Variants in NFIA observed in about 807,000 individuals in gnomAD.
The protein encoded by NFIA is nuclear factor 1 A-type.
A neutral mutation model predicts 62.8 loss-of-function variants in NFIA; 8 were observed. The observed-to-expected ratio is 0.13, with a 90% CI of 0.07 to 0.23. NFIA has a LOEUF of 0.23. NFIA is among the 10% of genes least tolerant of loss of function. NFIA has a pLI of 1.00. For synonymous variants in NFIA, 235 were observed against 238.1 expected (o/e 0.99, Z 0.12); for missense variants, 410 against 642.1 (o/e 0.64, Z 3.91).
intron 2 of NFIA, among the ~76,000 whole-genome samples, chr1:61,176,226 C>T (rs1042979172): frequency 1.2e-4 from 18 of 152,330 alleles, no homozygotes; most frequent in African/African-American, 4.1e-4. Context: ...TGGTGAAAGT[C>T]TCCTAGCAGG....
At chr1:61,207,785 G>A (rs754392129) in intron 2 of NFIA, among the ~76,000 whole-genome samples, 51 of 152,122 alleles carry the variant, frequency 3.4e-4, no homozygotes, top group South Asian at 6.2e-4. Context: ...GTTAGGCGTA[G>A]GCCCTTTATT....
intron 2 of NFIA, among the ~76,000 whole-genome samples, chr1:61,243,087 C>G (rs952652107): frequency 1.1e-4 from 17 of 151,986 alleles, no homozygotes. Context: ...TATTTCTAGT[C>G]TTTTCTCACC....
chr1:61,221,058 C>A (rs1653985901), intron 2 of NFIA, among the ~76,000 whole-genome samples: 1 of 152,042 alleles, frequency 6.6e-6, no homozygotes, highest in African/African-American at 2.4e-5. Flanking sequence ...TGATAGTAAT[C>A]CATTTTTTAA....
At chr1:61,451,571 G>T (rs1243330082) in intron 10 of NFIA, among the ~76,000 whole-genome samples, 1 of 152,172 alleles carries the variant, frequency 6.6e-6, no homozygotes, top group Non-Finnish European at 1.5e-5. Context: ...CTCCCGCTCA[G>T]CACATCCCAA....
At chr1:61,376,376 T>A (rs1664149318) in intron 6 of NFIA, among the ~76,000 whole-genome samples, 1 of 152,180 alleles carries the variant, frequency 6.6e-6, no homozygotes, top group African/African-American at 2.4e-5. Context: ...ACTTGTTGAA[T>A]AGGCAAGAGG....
intron 9 of NFIA, among the ~76,000 whole-genome samples, chr1:61,424,699 T>C (rs1310690715): frequency 6.6e-6 from 1 of 152,204 alleles, no homozygotes; most frequent in Non-Finnish European, 1.5e-5. Flanking sequence ...CTTTGTGCTC[T>C]AAGAGCAGGG....
intron 2 of NFIA, among the ~76,000 whole-genome samples, chr1:61,190,793 A>AGTCACATGATTTAGAC (rs1651562735): frequency 6.6e-6 from 1 of 152,232 alleles, no homozygotes; most frequent in Non-Finnish European, 1.5e-5. Flanking sequence ...TTAAAATCTT[A>AGTCACATGATTTAGAC]GTCACATGAT....
intron 6 of NFIA, among the ~76,000 whole-genome samples, chr1:61,378,184 T>C (rs1254247809): frequency 1.3e-5 from 2 of 152,182 alleles, no homozygotes; most frequent in Admixed American, 1.3e-4. Context: ...TTATGTGATA[T>C]CAAATTGCAG....
intron 3 of NFIA, among the ~76,000 whole-genome samples, chr1:61,299,652 T>G (rs1188149223): frequency 6.6e-6 from 1 of 152,196 alleles, no homozygotes; most frequent in African/African-American, 2.4e-5. Flanking sequence ...TAGACTTGTT[T>G]GTACAGCGAC....
At chr1:61,092,880 G>A (rs1302279044) in intron 2 of NFIA, among the ~76,000 whole-genome samples, 1 of 152,186 alleles carries the variant, frequency 6.6e-6, no homozygotes, top group Non-Finnish European at 1.5e-5. Context: ...AGGGGCGTGT[G>A]TGTGCTTCGT....
intron 10 of NFIA, among the ~76,000 whole-genome samples, chr1:61,449,282 C>T (rs918311116): frequency 6.6e-6 from 1 of 152,200 alleles, no homozygotes; most frequent in African/African-American, 2.4e-5. Context: ...ATCCAGATGC[C>T]TTGCTTTGCC....
chr1:61,460,368 T>C lies in NFIA; in HGVS notation c.*5048T>C, dbSNP rs1209255286. 1.3e-5 allele frequency: 2 copies of C among 152,242 alleles called. No homozygotes were observed. Among genetic ancestry groups the C allele is most frequent in the African/African-American group, 2.4e-5 (1 of 41,460 alleles). 9.4% of individuals were successfully genotyped at this position (152,242 alleles called of 1,614,324 possible). A position where few individuals can be genotyped will look rare whatever the true frequency, so the allele number is the denominator to read the frequency against. Reference sequence around the variant, plus strand: ...GCACTTAACTGTAGTGAATACTGTGTCACCAATTTTGAAATCAATTTAATG... The same window carrying C: ...GCACTTAACTGTAGTGAATACTGTGCCACCAATTTTGAAATCAATTTAATG... On this transcript the variant is annotated 3_prime_UTR_variant, in exon 11 of 11. Transcript: ENST00000403491.
chr1:61,352,204 C>T (rs1020783620), intron 4 of NFIA, among the ~76,000 whole-genome samples: 14 of 152,168 alleles, frequency 9.2e-5, no homozygotes, highest in Middle Eastern at 6.8e-3. Context: ...AATGTTGCAA[C>T]CTTGGTGACA....
intron 2 of NFIA, among the ~76,000 whole-genome samples, chr1:61,134,871 A>G (rs1325413182): frequency 1.3e-5 from 2 of 152,212 alleles, no homozygotes; most frequent in African/African-American, 4.8e-5. Flanking sequence ...GTATATATGC[A>G]TATGCTTATG....
chr1:61,107,806 G>T (rs552489275), intron 2 of NFIA, among the ~76,000 whole-genome samples: 29 of 151,598 alleles, frequency 1.9e-4, no homozygotes, highest in African/African-American at 5.8e-4. Flanking sequence ...CTCACATTAG[G>T]TTTGTATTCC....
At chr1:61,188,715 G>A in intron 2 of NFIA, among the ~76,000 whole-genome samples, 1 of 152,240 alleles carries the variant, frequency 6.6e-6, no homozygotes, top group African/African-American at 2.4e-5. Context: ...GTCATTTAGT[G>A]TATCTGAAAA....
intron 2 of NFIA, among the ~76,000 whole-genome samples, chr1:61,094,045 C>T (rs1646369893): frequency 6.6e-6 from 1 of 152,092 alleles, no homozygotes; most frequent in Non-Finnish European, 1.5e-5. Flanking sequence ...TCACAAATGT[C>T]AATATAGATT....
chr1:61,325,455 C>T (rs1205129050), intron 3 of NFIA, among the ~76,000 whole-genome samples: 2 of 152,162 alleles, frequency 1.3e-5, no homozygotes, highest in Non-Finnish European at 2.9e-5. Context: ...TGTCTTCTTA[C>T]AAAGTTCATC....
At chr1:61,425,357 A>G (rs897468110) in intron 9 of NFIA, among the ~76,000 whole-genome samples, 2 of 152,204 alleles carry the variant, frequency 1.3e-5, no homozygotes, top group African/African-American at 4.8e-5. Flanking sequence ...ATTTGATATC[A>G]TGCCCTCAAT....
Sources: allele counts gnomAD v4.1 joint callset (sites outside exome capture counted in the v4.1 genomes callset), GRCh38; gene constraint gnomAD v4.1.1; transcripts MANE v1.5; gene names NCBI Gene and HGNC (gene_info 2026-07-23, HGNC 2026-07-21).